The following PTPRN2 variants were observed in gnomAD, a reference collection of about 807,000 sequenced individuals.
The protein encoded by PTPRN2 is receptor-type tyrosine-protein phosphatase N2.
A neutral mutation model predicts 118.8 loss-of-function variants in PTPRN2; 74 were observed. That is an observed-to-expected ratio of 0.62 (90% CI 0.52 to 0.76). The LOEUF (loss-of-function observed/expected upper bound fraction) is 0.76. Ranked by LOEUF, PTPRN2 falls within the 30% of genes least tolerant of loss-of-function variation. The probability of loss-of-function intolerance (pLI) is 0.00; values close to 1 mark genes in which losing one functional copy is unlikely to be tolerated. For missense variants in PTPRN2, 1,481 were observed against 1,394.4 expected, an observed-to-expected ratio of 1.06 and a Z score of -0.99; for synonymous variants, 641 against 608.0, an observed-to-expected ratio of 1.05 and a Z score of -0.80.
intron 11 of PTPRN2, among the ~76,000 whole-genome samples, chr7:158,068,140 G>A (rs1277103971): frequency 2.0e-5 from 3 of 152,214 alleles, no homozygotes; most frequent in Admixed American, 6.5e-5. Context: ...GGGGAAGAAC[G>A]GCCCATGCCA....
At chr7:158,474,018 T>C (rs1476510827) in intron 2 of PTPRN2, among the ~76,000 whole-genome samples, 1 of 152,142 alleles carries the variant, frequency 6.6e-6, no homozygotes, top group Non-Finnish European at 1.5e-5. Flanking sequence ...GTGACATTTC[T>C]AGGTAGACAT....
Position 157,590,351 on chromosome 7 carries a change from C to T in PTPRN2, c.2496+4887G>A, listed in dbSNP as rs116405850. Among the ~76,000 whole-genome samples the T allele has an allele frequency of 9.9e-5, 15 of 151,498 alleles. No individual in the cohort carries two copies. The highest frequency in any genetic ancestry group is 3.7e-4 in the African/African-American group (15 of 40,792). On this transcript the variant is annotated intron_variant, in intron 17 of 22. Coordinates refer to ENST00000389418, the MANE Select transcript of PTPRN2 (RefSeq NM_002847.5). The surrounding 1 kb of genome is among the most constrained non-coding windows in gnomAD (Gnocchi z 4.0). ...AACTGTAACTCAGACTTCCACAGAC[C>T]CCTCTGAGCTGGAGTAAGGACCAGG...
intron 3 of PTPRN2, among the ~76,000 whole-genome samples, chr7:158,290,209 T>C (rs1800026291): frequency 1.4e-5 from 2 of 144,966 alleles, no homozygotes; most frequent in South Asian, 4.5e-4. Context: ...GCACCAGGGG[T>C]CTATTGGAGT....
rs563340030 is a variant in PTPRN2, at chr7:157,823,617, C to T, written c.1788+75056G>A. Reference sequence around the variant, plus strand: ...ATGTTCTGGTTTGGAAGTTGTGTTTCTGAGGCCCCTGACATCCAAGACTAC... The same window carrying T: ...ATGTTCTGGTTTGGAAGTTGTGTTTTTGAGGCCCCTGACATCCAAGACTAC... On this transcript the variant is annotated intron_variant, in intron 12 of 22. Coordinates refer to ENST00000389418, the MANE Select transcript of PTPRN2 (RefSeq NM_002847.5). Among the ~76,000 whole-genome samples the T allele has an allele frequency of 7.0e-3, 1,059 of 152,324 alleles. 15 individuals are homozygous for T. The highest frequency in any genetic ancestry group is 0.025 in the African/African-American group (1,034 of 41,562).
chr7:158,409,669 C>G (rs1207077461), intron 2 of PTPRN2, among the ~76,000 whole-genome samples: 2 of 152,176 alleles, frequency 1.3e-5, no homozygotes, highest in African/African-American at 4.8e-5. Flanking sequence ...TCTCTAACAA[C>G]AGAAAACCTC....
intron 12 of PTPRN2, among the ~76,000 whole-genome samples, chr7:157,890,768 C>A (rs1796753240): frequency 6.6e-6 from 1 of 152,236 alleles, no homozygotes; most frequent in African/African-American, 2.4e-5. Context: ...CGGTCTCACA[C>A]AAATCATTTT....
intron 12 of PTPRN2, among the ~76,000 whole-genome samples, chr7:157,816,552 G>C (rs1806413098): frequency 6.6e-6 from 1 of 152,202 alleles, no homozygotes; most frequent in Non-Finnish European, 1.5e-5. Context: ...TAAGATTTCG[G>C]GGATGTGTTT....
At chr7:158,439,944 G>C (rs931642225) in intron 2 of PTPRN2, among the ~76,000 whole-genome samples, 19 of 152,198 alleles carry the variant, frequency 1.2e-4, no homozygotes, top group African/African-American at 4.6e-4. Flanking sequence ...GGGAGGCATT[G>C]GTTTGGGGTT....
intron 3 of PTPRN2, 83 bp downstream of exon 3, chr7:158,316,736 T>C: frequency 9.6e-7 from 1 of 1,036,664 alleles, no homozygotes. Flanking sequence ...CCGTCCCAGC[T>C]CCTCACCGCC....
At chr7:158,495,713 T>A (rs1164919975) in intron 1 of PTPRN2, among the ~76,000 whole-genome samples, 1 of 152,150 alleles carries the variant, frequency 6.6e-6, no homozygotes, top group Non-Finnish European at 1.5e-5. Context: ...TAAGAACCCC[T>A]ATTCTAGGAA....
chr7:158,364,037 G>A (rs767058875), intron 2 of PTPRN2, among the ~76,000 whole-genome samples: 4 of 152,196 alleles, frequency 2.6e-5, no homozygotes, highest in Non-Finnish European at 4.4e-5. Flanking sequence ...AAAGGCGAAC[G>A]ATGAGGCAGT....
intron 2 of PTPRN2, among the ~76,000 whole-genome samples, chr7:158,383,863 AC>A (rs1811136456): frequency 6.6e-6 from 1 of 152,232 alleles, no homozygotes; most frequent in African/African-American, 2.4e-5. Context: ...TTACAGAATT[AC>A]GTAATAACGT....
intron 2 of PTPRN2, among the ~76,000 whole-genome samples, chr7:158,474,663 C>T (rs1052637499): frequency 5.9e-5 from 9 of 152,046 alleles, no homozygotes; most frequent in Non-Finnish European, 2.9e-5. Context: ...AGCTAAGAGG[C>T]GGGTGCCCGT....
chr7:158,404,448 G>A (rs1014193354), intron 2 of PTPRN2, among the ~76,000 whole-genome samples: 2 of 152,184 alleles, frequency 1.3e-5, no homozygotes, highest in African/African-American at 4.8e-5. Flanking sequence ...CGGGGCAGGC[G>A]CTGAGGCCAG....
intron 11 of PTPRN2, among the ~76,000 whole-genome samples, chr7:158,066,278 T>A (rs1256950080): frequency 6.6e-6 from 1 of 152,154 alleles, no homozygotes; most frequent in East Asian, 1.9e-4. Context: ...ATGAGTCCCC[T>A]CCATTCAAGG....
At chr7:158,465,316 A>G (rs951002977) in intron 2 of PTPRN2, among the ~76,000 whole-genome samples, 1 of 152,118 alleles carries the variant, frequency 6.6e-6, no homozygotes, top group African/African-American at 2.4e-5. Context: ...CCACCCCGTG[A>G]CCCCTTTGAA....
intron 11 of PTPRN2, chr7:158,029,536 T>C (rs1807531184): frequency 6.6e-6 from 1 of 152,266 alleles, no homozygotes; most frequent in Admixed American, 6.5e-5. Context: ...GCAGAGAAGG[T>C]CCAGAAAGCA....
At chr7:157,727,262 G>A (rs1799653101) in intron 12 of PTPRN2, among the ~76,000 whole-genome samples, 1 of 152,244 alleles carries the variant, frequency 6.6e-6, no homozygotes, top group Non-Finnish European at 1.5e-5. Context: ...GGAGCAAAAT[G>A]TGGTCCATCC....
intron 12 of PTPRN2, among the ~76,000 whole-genome samples, chr7:157,851,902 G>A (rs1809304212): frequency 6.6e-6 from 1 of 152,170 alleles, no homozygotes; most frequent in South Asian, 2.1e-4. Flanking sequence ...CCTCTTCCGG[G>A]CCCAGCTCAC....
Sources: gnomAD v4.1 joint callset for allele counts (sites outside exome capture counted in the v4.1 genomes callset) on GRCh38, gnomAD v4.1.1 for gene constraint, Gnocchi (gnomAD v3.1) non-coding constraint, MANE v1.5 for transcripts, NCBI Gene and HGNC (gene_info 2026-07-23, HGNC 2026-07-21) for gene names.